HDAC9: variants seen among roughly 807,000 people sequenced by gnomAD.
The protein encoded by HDAC9 is histone deacetylase 9, also known as MEF-2 interacting transcription repressor (MITR) protein.
Under a neutral mutation model 139.4 loss-of-function variants are expected in HDAC9, and 41 were observed. The ratio of observed to expected loss-of-function variants is 0.29; its 90% CI spans 0.23 to 0.38. HDAC9 has a LOEUF of 0.38. HDAC9 is among the 10% of genes least tolerant of loss of function. The pLI is 1.00. For missense variants in HDAC9, 1,147 were observed against 1,297.0 expected (o/e 0.88, Z 1.78); for synonymous variants, 517 against 476.2 (o/e 1.09, Z -1.12).
rs183516905 is a variant in HDAC9 at position 18,354,412 on chromosome 7, A to G, written c.-42+63897A>G. ...TTTGTTTAAATTAACACACTTTGCT[A>G]TTTATAAAGCTCTGCTCTACGGTGC... On this transcript the variant is annotated intron_variant, in intron 1 of 3. Coordinates refer to the HDAC9 transcript ENST00000413509. Among the ~76,000 whole-genome samples, 5 of 152,252 alleles carry G rather than the reference A, an allele frequency of 3.3e-5. No homozygotes were observed. The East Asian group carries it at 5.8e-4, about 18-fold the overall frequency.
At chr7:18,395,915 A>G (rs1443825481) in intron 1 of HDAC9, among the ~76,000 whole-genome samples, 1 of 152,054 alleles carries the variant, frequency 6.6e-6, no homozygotes, top group African/African-American at 2.4e-5. Flanking sequence ...TTGAAAGCCT[A>G]TATATTGGCC....
At chr7:18,635,083 G>A (rs1212190573) in intron 8 of HDAC9, among the ~76,000 whole-genome samples, 4 of 151,830 alleles carry the variant, frequency 2.6e-5, no homozygotes, top group African/African-American at 9.7e-5. Context: ...GGCTTGAAAT[G>A]TAATCCTCAG....
intron 2 of HDAC9, among the ~76,000 whole-genome samples, chr7:18,264,810 AC>A (rs1795900569): frequency 6.6e-6 from 1 of 152,222 alleles, no homozygotes. Context: ...GTTCAGTTAG[AC>A]AAAATCTTAA....
intron 23 of HDAC9, among the ~76,000 whole-genome samples, chr7:18,942,467 C>T (rs11979779): frequency 0.02 from 3,052 of 151,986 alleles, 92 homozygotes; most frequent in African/African-American, 0.07. Flanking sequence ...ATTAGAATTT[C>T]TGTGAAAAAA....
intron 1 of HDAC9, among the ~76,000 whole-genome samples, chr7:18,101,192 T>C (rs1175808818): frequency 6.6e-6 from 1 of 152,198 alleles, no homozygotes; most frequent in Non-Finnish European, 1.5e-5. Context: ...CCTCCAGTAC[T>C]CTGGCCTGTG....
chr7:18,477,849 G>C (rs760336577), intron 1 of HDAC9, among the ~76,000 whole-genome samples: 1 of 151,950 alleles, frequency 6.6e-6, no homozygotes, highest in Admixed American at 6.6e-5. Flanking sequence ...TGCCCTTTCT[G>C]CCAATGGTGT....
intron 17 of HDAC9, among the ~76,000 whole-genome samples, chr7:18,828,078 G>A (rs1349307412): frequency 6.6e-6 from 1 of 151,926 alleles, no homozygotes; most frequent in Non-Finnish European, 1.5e-5. Flanking sequence ...AAAATATATA[G>A]CAAATTAACT....
intron 22 of HDAC9, among the ~76,000 whole-genome samples, chr7:18,883,582 T>C (rs551531041): frequency 2.0e-5 from 3 of 152,188 alleles, no homozygotes; most frequent in African/African-American, 4.8e-5. Context: ...AAATACATCA[T>C]ACTCAATGGT....
chr7:18,178,271 G>C (rs140819564), intron 2 of HDAC9, among the ~76,000 whole-genome samples: 1 of 152,282 alleles, frequency 6.6e-6, no homozygotes, highest in Non-Finnish European at 1.5e-5. Flanking sequence ...TTTTAGTAGA[G>C]ACAGGGTTTC....
At chr7:18,636,867 T>G (rs1236758520) in intron 8 of HDAC9, among the ~76,000 whole-genome samples, 1 of 109,240 alleles carries the variant, frequency 9.2e-6, no homozygotes, top group African/African-American at 3.9e-5. Context: ...AAAGAACAAC[T>G]TGGTTACAAT....
chr7:18,507,411 T>C (rs1434403505), intron 2 of HDAC9, among the ~76,000 whole-genome samples: 1 of 151,788 alleles, frequency 6.6e-6, no homozygotes, highest in Non-Finnish European at 1.5e-5. Flanking sequence ...GACAGGATGG[T>C]CTAGATCTCC....
chr7:18,211,794 A>C (rs1412487684), intron 2 of HDAC9, among the ~76,000 whole-genome samples: 1 of 152,078 alleles, frequency 6.6e-6, no homozygotes, highest in African/African-American at 2.4e-5. Flanking sequence ...GAGAGTAAAT[A>C]ATGTGGAGGG....
At chr7:18,326,097 A>G (rs1381421905) in intron 1 of HDAC9, among the ~76,000 whole-genome samples, 1 of 152,164 alleles carries the variant, frequency 6.6e-6, no homozygotes, top group Non-Finnish European at 1.5e-5. Flanking sequence ...GTGATACATT[A>G]GACCAATGAT....
chr7:18,451,717 G>A (rs1403175380), intron 1 of HDAC9, among the ~76,000 whole-genome samples: 1 of 151,778 alleles, frequency 6.6e-6, no homozygotes, highest in African/African-American at 2.4e-5. Context: ...TTGGGTGGGG[G>A]GAAACATTTG....
At chr7:18,104,240 A>C (rs1461658612) in intron 1 of HDAC9, among the ~76,000 whole-genome samples, 2 of 122,532 alleles carry the variant, frequency 1.6e-5, no homozygotes, top group African/African-American at 5.1e-5. Flanking sequence ...TGTTCCCATA[A>C]TTGTATTTTT....
chr7:18,818,860 G>A (rs549073326), intron 17 of HDAC9, among the ~76,000 whole-genome samples: 1 of 152,060 alleles, frequency 6.6e-6, no homozygotes. Flanking sequence ...GGAAATATAC[G>A]TTTCTGTTGC....
intron 25 of HDAC9, among the ~76,000 whole-genome samples, chr7:18,980,664 G>C (rs1210780273): frequency 7.1e-5 from 6 of 84,956 alleles, no homozygotes; most frequent in Non-Finnish European, 1.2e-4. Flanking sequence ...ACTTTTTCTT[G>C]TTCTTCTTGT....
chr7:18,365,353 T>G (rs1784097918), intron 1 of HDAC9, among the ~76,000 whole-genome samples: 2 of 152,098 alleles, frequency 1.3e-5, no homozygotes, highest in Admixed American at 1.3e-4. Context: ...TATTAACAGA[T>G]AAGAGCTATG....
At chr7:18,374,584 A>G (rs1784848037) in intron 1 of HDAC9, among the ~76,000 whole-genome samples, 1 of 151,250 alleles carries the variant, frequency 6.6e-6, no homozygotes, top group South Asian at 2.1e-4. Context: ...CTACAACATT[A>G]AAATGGCTAC....
Sources: allele counts gnomAD v4.1 joint callset (sites outside exome capture counted in the v4.1 genomes callset), GRCh38; gene constraint gnomAD v4.1.1; transcripts MANE v1.5; gene names NCBI Gene and HGNC (gene_info 2026-07-23, HGNC 2026-07-21).